The following AGMO variants were observed in gnomAD, a reference collection of about 807,000 sequenced individuals.
The protein encoded by AGMO is glyceryl-ether monooxygenase.
A neutral mutation model predicts 60.2 loss-of-function variants in AGMO; 75 were observed. The ratio of observed to expected loss-of-function variants is 1.25; its 90% CI spans 1.03 to 1.51. The LOEUF is 1.51. Ranked by LOEUF, AGMO falls within the 40% of genes most tolerant of loss-of-function variation. The probability of loss-of-function intolerance (pLI) is 0.00; values close to 1 mark genes in which losing one functional copy is unlikely to be tolerated. For missense variants in AGMO, 763 were observed against 525.5 expected (o/e 1.45, Z -4.42); for synonymous variants, 261 against 177.1 (o/e 1.47, Z -3.76).
chr7:15,416,004 G>GT lies in AGMO; in HGVS notation c.609+2553dup, dbSNP rs1366969188. Among the ~76,000 whole-genome samples the GT allele has an allele frequency of 2.0e-5, 3 of 148,114 alleles. No individual in the cohort carries two copies. In the East Asian group the frequency reaches 5.9e-4, roughly 29 times the overall value. On this transcript the variant is annotated intron_variant, in intron 5 of 12. Coordinates refer to ENST00000342526, the MANE Select transcript of AGMO (RefSeq NM_001004320.2). The stretch of plus-strand genomic sequence containing the variant: ...AAAGAGGATGACAATAGACCTTGTT[G>GT]TTTGTTTTTCTTTTCTTTTTTTCTT...
intron 12 of AGMO, among the ~76,000 whole-genome samples, chr7:15,246,286 C>T (rs2128504636): frequency 6.6e-6 from 1 of 152,276 alleles, no homozygotes; most frequent in African/African-American, 2.4e-5. Flanking sequence ...ACTCAAAAGA[C>T]ATTTGTTTAA....
At chr7:15,330,841 T>C (rs1039686200) in intron 12 of AGMO, among the ~76,000 whole-genome samples, 4 of 152,116 alleles carry the variant, frequency 2.6e-5, no homozygotes, top group African/African-American at 7.2e-5. Flanking sequence ...AATGGAAGTG[T>C]AGAAATCCGC....
chr7:15,184,328 A>AAAGAAGGGAGGGAG, the AGMO span, among the ~76,000 whole-genome samples: 163 of 92,146 alleles, frequency 1.8e-3, 48 homozygotes, highest in Non-Finnish European at 2.2e-3. Flanking sequence ...GGAGGGAAGG[A>AAAGAAGGGAGGGAG]GGAAGGAAGG....
At chr7:15,275,010 G>T (rs1038855991) in intron 12 of AGMO, among the ~76,000 whole-genome samples, 33 of 151,362 alleles carry the variant, frequency 2.2e-4, no homozygotes, top group African/African-American at 6.1e-4. Context: ...TCATTTTGTT[G>T]ATCTTTTGTA....
In AGMO at chr7:15,529,828, T is replaced by TAGATATTCTATATACATATTTCCATATAG. The variant is rs373990429; in HGVS notation, c.409+14943_409+14944insCTATATGGAAATATGTATATAGAATATCT. 3.9e-3 allele frequency among the ~76,000 whole-genome samples: 33 copies of TAGATATTCTATATACATATTTCCATATAG among 8,464 alleles called. 6 individuals carry two copies. The highest frequency in any genetic ancestry group is 6.2e-3 in the African/African-American group (20 of 3,248). 5.6% of individuals were successfully genotyped at this position (8,464 alleles called of 152,430 possible). On this transcript the variant is annotated intron_variant, in intron 3 of 12. Transcript: ENST00000342526. ...TATATTCTATATATATATTTCCATA[T>TAGATATTCTATATACATATTTCCATATAG]ATATTCTATATACATATTTCCATAT...
intron 3 of AGMO, among the ~76,000 whole-genome samples, chr7:15,474,850 T>TAA (rs200490171): frequency 4.0e-5 from 6 of 150,476 alleles, no homozygotes; most frequent in African/African-American, 1.5e-4. Flanking sequence ...CAAATTTACA[T>TAA]AAAAAAAACA....
At chr7:15,326,885 GA>G (rs1339338038) in intron 12 of AGMO, among the ~76,000 whole-genome samples, 1 of 152,102 alleles carries the variant, frequency 6.6e-6, no homozygotes, top group African/African-American at 2.4e-5. Context: ...AATTATCTTG[GA>G]AAAGATTACC....
chr7:15,442,919 T>TA (rs1229709499), intron 3 of AGMO, among the ~76,000 whole-genome samples: 5 of 152,094 alleles, frequency 3.3e-5, no homozygotes, highest in African/African-American at 9.7e-5. Context: ...CACCAACAGA[T>TA]GCTAGCAGGC....
At chr7:15,262,442 A>G (rs1230341143) in intron 12 of AGMO, among the ~76,000 whole-genome samples, 1 of 152,116 alleles carries the variant, frequency 6.6e-6, no homozygotes, top group Non-Finnish European at 1.5e-5. Context: ...AACTTCTACA[A>G]GAAAAACTAC....
At chr7:15,144,923 G>T in the AGMO span, among the ~76,000 whole-genome samples, 1 of 152,160 alleles carries the variant, frequency 6.6e-6, no homozygotes, top group Non-Finnish European at 1.5e-5. Flanking sequence ...TCCGCCTTCC[G>T]GGTTCACGCC....
At chr7:15,123,794 C>T in the AGMO span, among the ~76,000 whole-genome samples, 1 of 151,976 alleles carries the variant, frequency 6.6e-6, no homozygotes, top group African/African-American at 2.4e-5. Context: ...ATTTAATTGA[C>T]TCAGGTTTTA....
At chr7:15,205,475 T>C (rs1191932906) in intron 12 of AGMO, among the ~76,000 whole-genome samples, 2 of 152,160 alleles carry the variant, frequency 1.3e-5, no homozygotes, top group African/African-American at 4.8e-5. Flanking sequence ...TTCATTGAGA[T>C]ATATCTTATT....
the AGMO span, among the ~76,000 whole-genome samples, chr7:15,184,327 G>GAGGAAGGA: frequency 9.7e-6 from 1 of 102,788 alleles, no homozygotes; most frequent in Non-Finnish European, 1.9e-5. Context: ...AGGAGGGAAG[G>GAGGAAGGA]AGGAAGGAAG....
intron 5 of AGMO, among the ~76,000 whole-genome samples, chr7:15,397,431 C>T (rs1351132808): frequency 6.6e-6 from 1 of 152,130 alleles, no homozygotes; most frequent in East Asian, 1.9e-4. Flanking sequence ...CCGGCCTCGG[C>T]CAGCCCCACA....
chr7:15,124,543 G>C, the AGMO span, among the ~76,000 whole-genome samples: 1 of 151,972 alleles, frequency 6.6e-6, no homozygotes, highest in Admixed American at 6.6e-5. Context: ...GCTTAAATTT[G>C]CTGACATATT....
intron 3 of AGMO, among the ~76,000 whole-genome samples, chr7:15,453,509 A>T (rs1781910910): frequency 6.6e-6 from 1 of 152,216 alleles, no homozygotes; most frequent in Admixed American, 6.5e-5. Context: ...TGAGATGTAA[A>T]AACAGGGAAG....
chr7:15,522,696 C>T (rs184425612), intron 3 of AGMO, among the ~76,000 whole-genome samples: 4 of 152,132 alleles, frequency 2.6e-5, no homozygotes, highest in South Asian at 4.1e-4. Flanking sequence ...AAAATTAACT[C>T]GAGATTTATT....
chr7:15,263,472 G>A (rs1040758869), intron 12 of AGMO, among the ~76,000 whole-genome samples: 6 of 151,988 alleles, frequency 3.9e-5, no homozygotes, highest in African/African-American at 1.2e-4. Flanking sequence ...CTGTTGGTGG[G>A]AATGTAAAAT....
intron 12 of AGMO, among the ~76,000 whole-genome samples, chr7:15,344,480 G>A (rs909989682): frequency 2.0e-5 from 3 of 152,126 alleles, no homozygotes; most frequent in African/African-American, 2.4e-5. Context: ...CAGATGGACT[G>A]CTTGAGATCA....
Sources: allele counts gnomAD v4.1 joint callset (sites outside exome capture counted in the v4.1 genomes callset), GRCh38; gene constraint gnomAD v4.1.1; transcripts MANE v1.5; gene names NCBI Gene and HGNC (gene_info 2026-07-23, HGNC 2026-07-21).